ACSS3: variants seen among roughly 807,000 people sequenced by gnomAD.
ACSS3 encodes the protein acyl-CoA synthetase short chain family member 3.
Under a neutral mutation model 84.2 loss-of-function variants are expected in ACSS3, and 64 were observed. The ratio of observed to expected loss-of-function variants is 0.76; its 90% confidence interval spans 0.62 to 0.94. The LOEUF is 0.94. Among genes scored for constraint, ACSS3 ranks in the 40% least tolerant of loss-of-function variants. ACSS3 has a pLI of 0.00. For synonymous variants in ACSS3, 317 were observed against 310.1 expected, an observed-to-expected ratio of 1.02 and a Z score of -0.23; for missense variants, 815 against 867.6, an observed-to-expected ratio of 0.94 and a Z score of 0.76.
At chr12:81,222,607 C>A (rs2033147000) in intron 11 of ACSS3, among the ~76,000 whole-genome samples, 1 of 152,004 alleles carries the variant, frequency 6.6e-6, no homozygotes, top group African/African-American at 2.4e-5. Flanking sequence ...TGTGTAGGTT[C>A]ATATTTAGAA....
chr12:81,164,238 C>G (rs1399294270), intron 7 of ACSS3, among the ~76,000 whole-genome samples: 5 of 152,140 alleles, frequency 3.3e-5, no homozygotes, highest in Non-Finnish European at 7.4e-5. Context: ...ATACAGTTGT[C>G]TACAGTATTC....
chr12:81,143,650 A>G (rs1021161361), intron 5 of ACSS3: 2 of 152,066 alleles, frequency 1.3e-5, no homozygotes, highest in Non-Finnish European at 2.9e-5. Context: ...ATTGAGGTAT[A>G]AGTTTCATGC....
intron 3 of ACSS3, among the ~76,000 whole-genome samples, chr12:81,138,171 T>TATTA (rs1289626748): frequency 2.0e-5 from 3 of 152,342 alleles, no homozygotes; most frequent in African/African-American, 7.2e-5. Context: ...CCGAATAATT[T>TATTA]ATTATGTGTC....
intron 11 of ACSS3, among the ~76,000 whole-genome samples, chr12:81,229,875 T>C (rs929421057): frequency 3.8e-5 from 5 of 130,162 alleles, no homozygotes; most frequent in Admixed American, 3.7e-4. Flanking sequence ...CGATATCTGC[T>C]GGGCTGCCCA....
rs1428329112 is a variant in ACSS3 at position 81,095,630 on chromosome 12, A to G, written c.312-13930A>G. ...ATGTCTTTTCACTGACAGTGGATTC[A>G]GTTCAGATAACAGGCATTGATTTCC... On this transcript the variant is annotated intron_variant, in intron 1 of 15. Transcript: ENST00000548058. 5.3e-5 allele frequency among the ~76,000 whole-genome samples: 8 copies of G among 152,348 alleles called. No individual in the cohort carries two copies. In the South Asian group the frequency reaches 8.3e-4, roughly 16 times the overall value.
chr12:81,124,768 G>A (rs988218257), intron 2 of ACSS3, among the ~76,000 whole-genome samples: 12 of 152,158 alleles, frequency 7.9e-5, no homozygotes, highest in Non-Finnish European at 7.3e-5. Flanking sequence ...AGACTTGCCT[G>A]TATCCACACC....
intron 12 of ACSS3, among the ~76,000 whole-genome samples, chr12:81,232,099 T>A (rs11114798): frequency 0.24 from 35,651 of 151,620 alleles, 4,306 homozygotes; most frequent in East Asian, 0.26. Flanking sequence ...AGATTAAACA[T>A]CCCCTGATAG....
intron 15 of ACSS3, 137 bp from the exon 16 acceptor site, chr12:81,254,717 CAAA>C: frequency 1.7e-6 from 1 of 604,330 alleles, no homozygotes; most frequent in Non-Finnish European, 2.7e-6. Flanking sequence ...ATATTAGGTT[CAAA>C]GTTCCCTATT....
In ACSS3 at chr12:81,193,446, T is replaced by C. The variant is rs186553640; in HGVS notation, c.1251-5895T>C. The stretch of plus-strand genomic sequence containing the variant: ...CAAAATTAATTTGACAGCATTATCA[T>C]TTTTCCATTTCCCTTTTGCTTAATT... On this transcript the variant is annotated intron_variant, in intron 8 of 15. Transcript: ENST00000548058. 4.1e-4 allele frequency among the ~76,000 whole-genome samples: 63 copies of C among 152,190 alleles called. No homozygotes were observed. In the East Asian group the frequency reaches 0.012, roughly 28 times the overall value.
At chr12:81,184,647 A>G (rs887212047) in intron 8 of ACSS3, among the ~76,000 whole-genome samples, 1 of 151,664 alleles carries the variant, frequency 6.6e-6, no homozygotes, top group Non-Finnish European at 1.5e-5. Context: ...GAAGAATTAT[A>G]TGCCAACAAA....
intron 2 of ACSS3, among the ~76,000 whole-genome samples, chr12:81,118,934 T>C (rs974895782): frequency 1.3e-5 from 2 of 152,184 alleles, no homozygotes; most frequent in Non-Finnish European, 2.9e-5. Flanking sequence ...ATTTGTAGCA[T>C]GGAGAAAGGA....
At chr12:81,231,639 T>C (rs1438193593) in intron 12 of ACSS3, among the ~76,000 whole-genome samples, 1 of 151,786 alleles carries the variant, frequency 6.6e-6, no homozygotes, top group Non-Finnish European at 1.5e-5. Flanking sequence ...TCTTTATTTT[T>C]AAATCTCATT....
chr12:81,092,621 T>C (rs1357610412), intron 1 of ACSS3, among the ~76,000 whole-genome samples: 1 of 151,984 alleles, frequency 6.6e-6, no homozygotes, highest in Non-Finnish European at 1.5e-5. Context: ...TCATTTTTTG[T>C]TGGAGGTGAA....
At position 81,078,312 on chromosome 12, in the gene ACSS3, C is replaced by G; in HGVS notation, c.192C>G (p.Thr64=). 6.2e-7 allele frequency: 1 copy of G among 1,612,348 alleles called. No homozygotes were observed. The highest frequency in any genetic ancestry group is 8.5e-7 in the Non-Finnish European group (1 of 1,179,970). Residue 64 remains threonine (T), a synonymous_variant, in exon 1 of 16, where the codon ACC becomes ACG. Coordinates refer to ENST00000548058, the MANE Select transcript of ACSS3 (RefSeq NM_024560.4). ...CCGGCAGTGGCAGCGAGTACAAGAC[C>G]CACTTCGCAGCCTCGGTGACCGACC... The part of the protein sequence containing the change: ...LSSGSGSEYK[T]HFAASVTDPE...
intron 1 of ACSS3, among the ~76,000 whole-genome samples, chr12:81,098,245 G>A (rs1882228902): frequency 6.6e-6 from 1 of 151,242 alleles, no homozygotes; most frequent in African/African-American, 2.4e-5. Context: ...CCCCTGAGTT[G>A]CTGAGATAGG....
intron 1 of ACSS3, among the ~76,000 whole-genome samples, chr12:81,087,372 T>C (rs1230428870): frequency 2.0e-5 from 3 of 151,214 alleles, no homozygotes; most frequent in East Asian, 3.9e-4. Context: ...AAAATAAATT[T>C]GGTAAGATGA....
chr12:81,131,917 G>A (rs1885530868), intron 2 of ACSS3, among the ~76,000 whole-genome samples: 1 of 152,126 alleles, frequency 6.6e-6, no homozygotes, highest in South Asian at 2.1e-4. Context: ...CTGTTTATGT[G>A]ATGGATTACG....
chr12:81,098,744 G>T (rs1430355312), intron 1 of ACSS3, among the ~76,000 whole-genome samples: 1 of 152,322 alleles, frequency 6.6e-6, no homozygotes, highest in African/African-American at 2.4e-5. Context: ...TCGAACTCTA[G>T]TCTGTTGGCC....
At chr12:81,169,363 T>C (rs1281573264) in intron 7 of ACSS3, among the ~76,000 whole-genome samples, 1 of 152,166 alleles carries the variant, frequency 6.6e-6, no homozygotes, top group East Asian at 1.9e-4. Flanking sequence ...ATTATCCCAT[T>C]TGGCTTTAAA....
Sources: allele counts gnomAD v4.1 joint callset (sites outside exome capture counted in the v4.1 genomes callset), GRCh38; gene constraint gnomAD v4.1.1; transcripts MANE v1.5; gene names NCBI Gene and HGNC (gene_info 2026-07-23, HGNC 2026-07-21).